Variants in NPC1 observed in about 807,000 individuals in gnomAD.
NPC1 encodes the protein Niemann-Pick C1 protein.
Under a neutral mutation model 140.4 loss-of-function variants are expected in NPC1, and 85 were observed. That is an observed-to-expected ratio of 0.61 (90% CI 0.51 to 0.72). NPC1 has a LOEUF of 0.72. Among genes scored for constraint, NPC1 ranks in the 30% least tolerant of loss-of-function variants. The probability of loss-of-function intolerance (pLI) is 0.00; values close to 1 mark genes in which losing one functional copy is unlikely to be tolerated. For synonymous variants in NPC1, 656 were observed against 624.8 expected, an observed-to-expected ratio of 1.05 and a Z score of -0.74; for missense variants, 1,504 against 1,623.8, an observed-to-expected ratio of 0.93 and a Z score of 1.27.
At chr18:23,534,662 T>G in intron 22 of NPC1, 103 bp from the exon 23 acceptor site, 4 of 879,036 alleles carry the variant, frequency 4.6e-6, no homozygotes, top group Non-Finnish European at 7.4e-6. Context: ...GCACCCTGGG[T>G]GCTAGAGGAG....
At chr18:23,512,504 T>C (rs1189269791) in intron 3 of NPC1, among the ~76,000 whole-genome samples, 1 of 152,146 alleles carries the variant, frequency 6.6e-6, no homozygotes, top group Non-Finnish European at 1.5e-5. Context: ...CACTGCAGCC[T>C]CGACCTCCTA....
At chr18:23,546,413 T>C (rs1234692016) in intron 11 of NPC1, among the ~76,000 whole-genome samples, 7 of 152,200 alleles carry the variant, frequency 4.6e-5, no homozygotes, top group Non-Finnish European at 8.8e-5. Context: ...CATGGACTGC[T>C]GGTGGTGACG....
downstream of NPC1, chr18:23,530,488 C>T: frequency 1.2e-6 from 2 of 1,614,244 alleles, no homozygotes; most frequent in Non-Finnish European, 1.7e-6. Flanking sequence ...GCCATGACAA[C>T]ATTTCTGCAC....
Position 23,541,457 on chromosome 18 carries a change from C to T in NPC1, c.2246-24G>A. On this transcript the variant is annotated intron_variant, in intron 14 of 24. Transcript: ENST00000269228. ...TCCTGTCGGGGAGAGAAGGGCTCTG[C>T]GTCACTTCTGTTTACAGCCGGGGGC... is the stretch of plus-strand genomic sequence containing the variant. 3.1e-6 allele frequency: 5 copies of T among 1,614,096 alleles called. No homozygotes were observed. The South Asian group carries it at 3.3e-5, about 11-fold the overall frequency.
At chr18:23,573,386 G>A (rs892687457) in intron 2 of NPC1, 66 bp downstream of exon 2, 23 of 1,606,364 alleles carry the variant, frequency 1.4e-5, no homozygotes, top group Non-Finnish European at 2.0e-5. Flanking sequence ...TAACATTTAA[G>A]GAATAATTAC....
intron 10 of NPC1, among the ~76,000 whole-genome samples, chr18:23,549,076 A>C (rs1353174166): frequency 6.6e-6 from 1 of 152,140 alleles, no homozygotes; most frequent in African/African-American, 2.4e-5. Context: ...GGCATGAGCC[A>C]CTGCACCTGG....
In NPC1 at chr18:23,586,301, G is replaced by T. The variant is rs1471054528; in HGVS notation, c.43C>A (p.Leu15Met). Residue 15 changes from leucine (L) to methionine (M), a missense_variant, in exon 1 of 25, where the codon CTG (leucine) becomes ATG (methionine). By Grantham distance (15) the Leu-to-Met change is conservative (BLOSUM62 2). Coordinates refer to ENST00000269228, the MANE Select transcript of NPC1 (RefSeq NM_000271.5). ...GLALGLLLLL[L>M]CPAQVFSQSC... ...CGACCGCTCACCTGCGCTGGACACA[G>T]TAGCAGCAGGAGGAGGCCAAGGGCC... is the stretch of plus-strand genomic sequence containing the variant. The T allele has an allele frequency of 1.3e-6, 2 of 1,533,964 alleles. No homozygotes were observed. Among genetic ancestry groups the T allele is most frequent in the Non-Finnish European group, 8.7e-7 (1 of 1,146,258 alleles).
chr18:23,560,940 TG>T (rs902873858), intron 5 of NPC1, among the ~76,000 whole-genome samples: 7 of 152,252 alleles, frequency 4.6e-5, no homozygotes, highest in African/African-American at 1.7e-4. Flanking sequence ...CCTCTCTTAC[TG>T]GGAGAAACTA....
chr18:23,557,697 G>A (rs766072058), intron 6 of NPC1, among the ~76,000 whole-genome samples: 7 of 152,182 alleles, frequency 4.6e-5, no homozygotes, highest in Non-Finnish European at 8.8e-5. Flanking sequence ...AGCTGAGATC[G>A]CGCCACTGCA....
At chr18:23,574,656 C>CAA (rs764271932) in intron 1 of NPC1, among the ~76,000 whole-genome samples, 1 of 152,262 alleles carries the variant, frequency 6.6e-6, no homozygotes, top group South Asian at 2.1e-4. Context: ...TCCAAGGCAT[C>CAA]AATATCACTT....
intron 4 of NPC1, among the ~76,000 whole-genome samples, chr18:23,565,450 G>A (rs2059110410): frequency 6.6e-6 from 1 of 152,128 alleles, no homozygotes; most frequent in Non-Finnish European, 1.5e-5. Flanking sequence ...CCGCGTCCCA[G>A]GTTCAAGTGA....
At chr18:23,518,354 C>T (rs942881867), downstream of NPC1, among the ~76,000 whole-genome samples, 3 of 151,902 alleles carry the variant, frequency 2.0e-5, no homozygotes, top group South Asian at 2.1e-4. Flanking sequence ...TAGCCAGGCA[C>T]GGTGGCACGT....
intron 20 of NPC1, 28 bp downstream of exon 20, chr18:23,538,514 G>A (rs764457278): frequency 2.5e-6 from 4 of 1,613,846 alleles, no homozygotes; most frequent in South Asian, 2.2e-5. Context: ...TGCAGTGGAT[G>A]CTTATCTGCA....
rs3745023 is a variant in NPC1 at position 23,544,837 on chromosome 18, A to C, written c.1947+123T>G. On this transcript the variant is annotated intron_variant, in intron 12 of 24. Transcript: ENST00000269228. Reference sequence around the variant, plus strand: ...GCAACAGAAACGTTACATACAATTAAAACATGGGGGAATTTATGGCAGTTT... The same window carrying C: ...GCAACAGAAACGTTACATACAATTACAACATGGGGGAATTTATGGCAGTTT... The C allele has an allele frequency of 0.053, 41,429 of 788,138 alleles. 2,025 individuals are homozygous for C. The highest frequency in any genetic ancestry group is 0.18 in the East Asian group (6,759 of 37,516). 48.8% of individuals were successfully genotyped at this position (788,138 alleles called of 1,614,324 possible).
At chr18:23,557,774 T>C (rs1025231344) in intron 6 of NPC1, among the ~76,000 whole-genome samples, 3 of 152,148 alleles carry the variant, frequency 2.0e-5, no homozygotes, top group Admixed American at 1.3e-4. Flanking sequence ...AACATGCTAC[T>C]CTTTCCAGCA....
At chr18:23,527,302 C>T (rs887466000), downstream of NPC1, among the ~76,000 whole-genome samples, 5 of 151,336 alleles carry the variant, frequency 3.3e-5, no homozygotes, top group South Asian at 2.1e-4. Context: ...CAGAGGCTGC[C>T]GAGGGAGGAT....
intron 1 of NPC1, among the ~76,000 whole-genome samples, chr18:23,575,769 C>CCAAAA (rs2059267116): frequency 2.9e-5 from 1 of 35,082 alleles, no homozygotes; most frequent in Non-Finnish European, 5.9e-5. Flanking sequence ...CAGAGAAGAC[C>CCAAAA]AAAAAAAAAA....
chr18:23,549,196 CT>C (rs1190360681), intron 10 of NPC1, among the ~76,000 whole-genome samples: 3 of 152,094 alleles, frequency 2.0e-5, no homozygotes, highest in African/African-American at 7.2e-5. Flanking sequence ...TTTTTCATTC[CT>C]TTTTTTCTTC....
chr18:23,555,199 G>A (rs898060380), intron 8 of NPC1, among the ~76,000 whole-genome samples: 1 of 152,240 alleles, frequency 6.6e-6, no homozygotes, highest in African/African-American at 2.4e-5. Flanking sequence ...CGTCCACAGA[G>A]GCGGCGAGGG....
Sources: gnomAD v4.1 joint callset for allele counts (sites outside exome capture counted in the v4.1 genomes callset) on GRCh38, gnomAD v4.1.1 for gene constraint, MANE v1.5 for transcripts, NCBI Gene and HGNC (gene_info 2026-07-23, HGNC 2026-07-21) for gene names.